POTEC: variants seen among roughly 807,000 people sequenced by gnomAD.
POTEC encodes POTE ankyrin domain family member C.
Under a neutral mutation model 62.0 loss-of-function variants are expected in POTEC, and 35 were observed. The ratio of observed to expected loss-of-function variants is 0.56; its 90% CI spans 0.43 to 0.75. The LOEUF is 0.75. Ranked by LOEUF, POTEC falls within the 30% of genes least tolerant of loss-of-function variation. The pLI, the probability that POTEC is intolerant of heterozygous loss-of-function variation, is 0.00. For synonymous variants in POTEC, 156 were observed against 221.5 expected (o/e 0.70, Z 2.62); for missense variants, 472 against 655.9 (o/e 0.72, Z 3.06).
At chr18:14,524,593 T>A (rs1331611545) in intron 7 of POTEC, among the ~76,000 whole-genome samples, 2 of 152,108 alleles carry the variant, frequency 1.3e-5, no homozygotes, top group East Asian at 3.9e-4. Flanking sequence ...AAAGGAAAGA[T>A]TAGCTATAAG....
intron 3 of POTEC, among the ~76,000 whole-genome samples, chr18:14,537,172 A>AAC (rs1158054861): frequency 0.012 from 748 of 64,752 alleles, 4 homozygotes; most frequent in East Asian, 0.034. Context: ...CAACAATAAC[A>AAC]ACACACACAC....
Position 14,511,920 on chromosome 18 carries a change from A to T in POTEC, c.1607T>A (p.Leu536Gln), listed in dbSNP as rs771696529. The change falls in exon 11 of 11, where the codon CTA becomes CAA. Residue 536 changes from leucine to glutamine, a missense_variant. This residue lies in a region of POTEC where 67 missense variants were observed against 58.3 expected (regional missense o/e 1.15). Transcript: ENST00000358970. ...CATCTAGTTCCAGTCTCCAGAAATTAGCATGGCAATTTCTTCCTGCAACAT... is the reference window on the plus strand; with the variant it reads ...CATCTAGTTCCAGTCTCCAGAAATTTGCATGGCAATTTCTTCCTGCAACAT... ...NSMLQEEIAM[L>Q]ISGDWN The T allele has an allele frequency of 3.1e-6, 5 of 1,613,764 alleles. No individual in the cohort carries two copies. The highest frequency in any genetic ancestry group is 3.4e-6 in the Non-Finnish European group (4 of 1,179,846).
chr18:14,539,225 A>C (rs1345788253), intron 1 of POTEC, among the ~76,000 whole-genome samples: 1 of 151,838 alleles, frequency 6.6e-6, no homozygotes, highest in East Asian at 2.0e-4. Context: ...GACTGTTATA[A>C]ATTTTCTCTT....
At chr18:14,532,573 G>A (rs1257347842) in intron 5 of POTEC, among the ~76,000 whole-genome samples, 2 of 152,124 alleles carry the variant, frequency 1.3e-5, no homozygotes, top group Non-Finnish European at 2.9e-5. Context: ...ACAACAGAAT[G>A]ATTGGAATGT....
chr18:14,537,571 G>GT (rs375993284), intron 3 of POTEC, among the ~76,000 whole-genome samples: 123 of 151,724 alleles, frequency 8.1e-4, no homozygotes, highest in African/African-American at 2.8e-3. Flanking sequence ...CAAATTCAGT[G>GT]TTTTTTTTAA....
chr18:14,520,168 AAAGT>A (rs1291696325), intron 9 of POTEC, among the ~76,000 whole-genome samples: 23 of 152,342 alleles, frequency 1.5e-4, no homozygotes, highest in African/African-American at 4.3e-4. Context: ...CAGTCATGGA[AAAGT>A]AATAGACAAA....
At chr18:14,535,653 G>A (rs537182646) in intron 3 of POTEC, among the ~76,000 whole-genome samples, 3 of 151,752 alleles carry the variant, frequency 2.0e-5, no homozygotes, top group African/African-American at 7.3e-5. Flanking sequence ...CTGCCATCCT[G>A]ATTAAGCCAA....
intron 9 of POTEC, among the ~76,000 whole-genome samples, chr18:14,514,802 C>T (rs1910105400): frequency 6.6e-6 from 1 of 152,120 alleles, no homozygotes; most frequent in African/African-American, 2.4e-5. Context: ...GCCTAGAAAA[C>T]TCTACAGACT....
intron 9 of POTEC, among the ~76,000 whole-genome samples, chr18:14,521,184 C>G (rs1412424818): frequency 6.6e-6 from 1 of 152,104 alleles, no homozygotes; most frequent in African/African-American, 2.4e-5. Flanking sequence ...AATATTTCGG[C>G]ACTCAGGCAC....
In POTEC at chr18:14,543,005, C is replaced by T. The variant is rs1200238763; in HGVS notation, c.142G>A (p.Asp48Asn). 6.2e-6 allele frequency: 10 copies of T among 1,613,800 alleles called. No individual in the cohort carries two copies. Among genetic ancestry groups the T allele is most frequent in the Non-Finnish European group, 7.6e-6 (9 of 1,179,862 alleles). Residue 48 changes from aspartate (D) to asparagine (N), a missense_variant, in exon 1 of 11, where the codon GAC (aspartate) becomes AAC (asparagine). Transcript: ENST00000358970. ...SGKSNMGTSG[D>N]HDDSFMKMLR... ...ATCTTCATAAAGGAGTCGTCGTGGT[C>T]TCCAGAAGTGCCCATGTTGCTCTTG...
At chr18:14,515,495 A>G (rs1910121866) in intron 9 of POTEC, among the ~76,000 whole-genome samples, 1 of 152,156 alleles carries the variant, frequency 6.6e-6, no homozygotes, top group Non-Finnish European at 1.5e-5. Flanking sequence ...ATAGTCACAT[A>G]TAGAAGAATA....
Position 14,542,608 on chromosome 18 carries a change from C to A in POTEC, c.521+18G>T. 1 of 1,612,096 alleles carries A rather than the reference C, an allele frequency of 6.2e-7. No individual in the cohort carries two copies. Among genetic ancestry groups the A allele is most frequent in the Non-Finnish European group, 8.5e-7 (1 of 1,179,906 alleles). On this transcript the variant is annotated intron_variant, in intron 1 of 10. Transcript: ENST00000358970. ...CATCCCCCCATGTCCCGCCTCCTCC[C>A]ATCCCAGGCCCAGTTACCTCTTTTG...
At chr18:14,519,446 G>A (rs1456925628) in intron 9 of POTEC, among the ~76,000 whole-genome samples, 2 of 152,196 alleles carry the variant, frequency 1.3e-5, no homozygotes, top group Non-Finnish European at 2.9e-5. Context: ...GCCGGGTGCA[G>A]TGGCTCACAC....
At chr18:14,542,527 C>T (rs1408963241) in intron 1 of POTEC, 99 bp downstream of exon 1, 11 of 1,563,894 alleles carry the variant, frequency 7.0e-6, no homozygotes, top group Middle Eastern at 2.4e-4. Context: ...GTGGGGCCTG[C>T]GGAGGAAGAG....
intron 9 of POTEC, among the ~76,000 whole-genome samples, chr18:14,521,460 T>C (rs1423811632): frequency 6.6e-6 from 1 of 152,164 alleles, no homozygotes; most frequent in African/African-American, 2.4e-5. Context: ...TTGGTAAGGA[T>C]TTACTTTTGA....
At chr18:14,523,648 CTG>C (rs927899582) in intron 7 of POTEC, 141 bp from the exon 8 acceptor site, 1 of 332,726 alleles carries the variant, frequency 3.0e-6, no homozygotes, top group African/African-American at 2.2e-5. Flanking sequence ...TAAAATTTAA[CTG>C]TTAAAATAAT....
chr18:14,532,185 A>G (rs1370179844), intron 5 of POTEC, among the ~76,000 whole-genome samples: 2 of 152,042 alleles, frequency 1.3e-5, no homozygotes, highest in African/African-American at 4.8e-5. Flanking sequence ...AGCCCACCTC[A>G]TATCTGCTAG....
At chr18:14,538,521 A>AGC (rs1202719775) in intron 1 of POTEC, among the ~76,000 whole-genome samples, 1 of 152,024 alleles carries the variant, frequency 6.6e-6, no homozygotes, top group African/African-American at 2.4e-5. Flanking sequence ...GCTGTTGCTT[A>AGC]GCCTTTTTGT....
chr18:14,507,767 G>A lies in POTEC; in HGVS notation c.*4131C>T, dbSNP rs1909884435. 6.6e-6 allele frequency: 1 copy of A among 152,180 alleles called. No individual in the cohort carries two copies. The highest frequency in any genetic ancestry group is 2.4e-5 in the African/African-American group (1 of 41,442). 9.4% of individuals were successfully genotyped at this position (152,180 alleles called of 1,614,324 possible). ...TTCCTTCAGGAGCTCTTGTAAGGTAGGTCTGGTGATAACGAATTCCCTCAG... is the reference window on the plus strand; with the variant it reads ...TTCCTTCAGGAGCTCTTGTAAGGTAAGTCTGGTGATAACGAATTCCCTCAG... On this transcript the variant is annotated 3_prime_UTR_variant, in exon 11 of 11. Coordinates refer to ENST00000358970, the MANE Select transcript of POTEC (RefSeq NM_001137671.2).
Sources: gnomAD v4.1 joint callset for allele counts (sites outside exome capture counted in the v4.1 genomes callset) on GRCh38, gnomAD v4.1.1 for gene constraint, gnomAD v4.1.1 regional missense constraint, MANE v1.5 for transcripts, NCBI Gene and HGNC (gene_info 2026-07-23, HGNC 2026-07-21) for gene names.